EXOC2: variants seen among roughly 807,000 people sequenced by gnomAD.
The protein encoded by EXOC2 is exocyst complex component 2.
In EXOC2, 70 loss-of-function variants were observed where a neutral mutation model predicts 131.8. The ratio of observed to expected loss-of-function variants is 0.53; its 90% CI spans 0.44 to 0.65. The LOEUF (loss-of-function observed/expected upper bound fraction) is 0.65. EXOC2 is among the 30% of genes least tolerant of loss of function. EXOC2 has a pLI of 0.00. For missense variants in EXOC2, 923 were observed against 1,108.6 expected (o/e 0.83, Z 2.38); for synonymous variants, 411 against 398.4 (o/e 1.03, Z -0.38).
At chr6:530,717 AG>A (rs1766025185) in intron 23 of EXOC2, among the ~76,000 whole-genome samples, 1 of 152,342 alleles carries the variant, frequency 6.6e-6, no homozygotes, top group South Asian at 2.1e-4. Context: ...AAGCACAGGG[AG>A]TACTGCTGGC....
At chr6:605,436 T>C (rs576614488) in intron 7 of EXOC2, among the ~76,000 whole-genome samples, 11 of 152,232 alleles carry the variant, frequency 7.2e-5, no homozygotes, top group East Asian at 5.8e-4. Context: ...CTTGGGAGGG[T>C]GTATGTGTCC....
chr6:486,702 T>C lies in EXOC2; in HGVS notation c.2744A>G (p.Gln915Arg), dbSNP rs772670882. 7 of 1,614,210 alleles carry C rather than the reference T, an allele frequency of 4.3e-6. No homozygotes were observed. The East Asian group carries it at 1.1e-4, about 26-fold the overall frequency. The change falls in exon 28 of 28, where the codon CAA becomes CGA. Residue 915 changes from glutamine to arginine, a missense_variant. By Grantham distance (43) the Gln-to-Arg change is conservative. Transcript: ENST00000230449. ...SSMHLQLTCF[Q>R]AASSTMMKT Reference sequence around the variant, plus strand: ...TTTCATCATGGTTGAAGAAGCTGCTTGGAAACAGGTGAGCTGCAAGTGCAT... The same window carrying C: ...TTTCATCATGGTTGAAGAAGCTGCTCGGAAACAGGTGAGCTGCAAGTGCAT...
intron 1 of EXOC2, chr6:656,178 T>C: frequency 6.2e-7 from 1 of 1,614,154 alleles, no homozygotes; most frequent in Non-Finnish European, 8.5e-7. Flanking sequence ...AAGAGTATTG[T>C]CCCAAATATT....
At chr6:656,417 G>C (rs1420905445) in intron 1 of EXOC2, 1 of 1,613,998 alleles carries the variant, frequency 6.2e-7, no homozygotes, top group Non-Finnish European at 8.5e-7. Context: ...GCACGTGACT[G>C]CCCACGTTCG....
chr6:633,101 T>C lies in EXOC2; in HGVS notation c.135A>G (p.Gly45=). The C allele has an allele frequency of 6.2e-7, 1 of 1,613,314 alleles. No homozygotes were observed. The highest frequency in any genetic ancestry group is 8.5e-7 in the Non-Finnish European group (1 of 1,179,972). ...PTDLIGLTIC[G]HNCLLTAEWM... ...ATTCTGCCGTCAGGAGGCAATTATGTCCACAAATGGTCAAGCCTGAAAATA... is the reference window on the plus strand; with the variant it reads ...ATTCTGCCGTCAGGAGGCAATTATGCCCACAAATGGTCAAGCCTGAAAATA... The change falls in exon 3 of 28, where the codon GGA becomes GGG. Residue 45 remains glycine, a synonymous_variant. Transcript: ENST00000230449.
intron 1 of EXOC2, chr6:656,728 C>G: frequency 6.3e-7 from 1 of 1,594,660 alleles, no homozygotes; most frequent in Non-Finnish European, 8.6e-7. Context: ...TCGAGATCTT[C>G]CGAGACACCT....
At chr6:604,718 T>C (rs3823140) in intron 7 of EXOC2, among the ~76,000 whole-genome samples, 10,255 of 121,478 alleles carry the variant, frequency 0.084, 945 homozygotes, top group African/African-American at 0.21. Flanking sequence ...GCGCTGGCCC[T>C]GCGGGGACAC....
intron 22 of EXOC2, among the ~76,000 whole-genome samples, chr6:541,965 A>G (rs898514379): frequency 6.6e-6 from 1 of 152,266 alleles, no homozygotes; most frequent in African/African-American, 2.4e-5. Flanking sequence ...ATGCTACAAC[A>G]TGGATACATC....
In EXOC2 at chr6:532,616, A is replaced by C. The variant is rs747946234; in HGVS notation, c.2239-6T>G. On this transcript the variant is annotated splice_region_variant and splice_polypyrimidine_tract_variant and intron_variant, in intron 22 of 27. Coordinates refer to ENST00000230449, the MANE Select transcript of EXOC2 (RefSeq NM_018303.6). ...TTCAATGAGGCCATGCTAACCTATA[A>C]ACACATAATGAAGAGTATGAGTTGC... is the stretch of plus-strand genomic sequence containing the variant. The C allele has an allele frequency of 8.4e-6, 13 of 1,541,852 alleles. No homozygotes were observed. Among genetic ancestry groups the C allele is most frequent in the Non-Finnish European group, 9.6e-6 (11 of 1,149,748 alleles).
At chr6:689,531 TATC>T (rs1386899185) in intron 1 of EXOC2, among the ~76,000 whole-genome samples, 2 of 152,202 alleles carry the variant, frequency 1.3e-5, no homozygotes, top group African/African-American at 4.8e-5. Context: ...ATCAAGCTCT[TATC>T]ATCAAAGCTT....
In EXOC2 at chr6:555,322, G is replaced by A. The variant is rs767046665; in HGVS notation, c.1993-34C>T. The A allele has an allele frequency of 1.2e-5, 16 of 1,362,390 alleles. 1 individual carries two copies. In the South Asian group the frequency reaches 2.1e-4, roughly 18 times the overall value. 84.4% of individuals were successfully genotyped at this position (1,362,390 alleles called of 1,614,324 possible). On this transcript the variant is annotated intron_variant, in intron 19 of 27. Coordinates refer to ENST00000230449, the MANE Select transcript of EXOC2 (RefSeq NM_018303.6). ...AAACATAAGTTTCAGAACTCTCAGA[G>A]GAATGAACTCCTAGACATTAATCTA...
intron 1 of EXOC2, among the ~76,000 whole-genome samples, chr6:689,580 T>G (rs1252316707): frequency 6.6e-6 from 1 of 152,222 alleles, no homozygotes; most frequent in East Asian, 1.9e-4. Context: ...CCTTCCTACC[T>G]CTGAGCTTCT....
At chr6:687,368 A>G (rs1371867336) in intron 1 of EXOC2, among the ~76,000 whole-genome samples, 1 of 151,828 alleles carries the variant, frequency 6.6e-6, no homozygotes, top group Non-Finnish European at 1.5e-5. Context: ...ATTTTTGTAG[A>G]AAAGGGGCCT....
Position 599,238 on chromosome 6 carries a change from G to C in EXOC2, c.743-13C>G. On this transcript the variant is annotated splice_polypyrimidine_tract_variant and intron_variant, in intron 7 of 27. Transcript: ENST00000230449. ...GTATTACTTGCTCCTGTTTTAAAAA[G>C]AGGAAAGGAAACTTAGATGAAAGCT... is the stretch of plus-strand genomic sequence containing the variant. 6.6e-7 allele frequency: 1 copy of C among 1,525,484 alleles called. No individual in the cohort carries two copies. The highest frequency in any genetic ancestry group is 8.8e-7 in the Non-Finnish European group (1 of 1,133,442). 94.5% of individuals were successfully genotyped at this position (1,525,484 alleles called of 1,614,324 possible).
chr6:597,374 A>G (rs1344305594), intron 10 of EXOC2, among the ~76,000 whole-genome samples: 1 of 151,808 alleles, frequency 6.6e-6, no homozygotes, highest in South Asian at 2.1e-4. Flanking sequence ...ATGGGGTTTC[A>G]CCACATTGGT....
intron 13 of EXOC2, among the ~76,000 whole-genome samples, chr6:566,593 T>G (rs1423874154): frequency 6.6e-6 from 1 of 152,180 alleles, no homozygotes; most frequent in Non-Finnish European, 1.5e-5. Flanking sequence ...TGGTTGGTGG[T>G]ATGGGGTATG....
chr6:619,358 G>A (rs754569890), intron 5 of EXOC2, 72 bp downstream of exon 5: 26 of 1,263,576 alleles, frequency 2.1e-5, no homozygotes, highest in South Asian at 5.0e-5. Flanking sequence ...CCTAAAACTC[G>A]AGTTACCGTG....
At chr6:490,863 C>A (rs891047734) in intron 26 of EXOC2, among the ~76,000 whole-genome samples, 35 of 152,220 alleles carry the variant, frequency 2.3e-4, no homozygotes, top group African/African-American at 8.4e-4. Flanking sequence ...GACTAAGACT[C>A]AGTTCTTATC....
chr6:501,748 C>T (rs1764218396), intron 23 of EXOC2, among the ~76,000 whole-genome samples: 1 of 143,316 alleles, frequency 7.0e-6, no homozygotes, highest in Admixed American at 7.5e-5. Flanking sequence ...ATTGGCTCCT[C>T]AAAACAAAAA....
Sources: allele counts gnomAD v4.1 joint callset (sites outside exome capture counted in the v4.1 genomes callset), GRCh38; gene constraint gnomAD v4.1.1; transcripts MANE v1.5; gene names NCBI Gene and HGNC (gene_info 2026-07-23, HGNC 2026-07-21).